AGO1: variants seen among roughly 807,000 people sequenced by gnomAD.
The protein encoded by AGO1 is protein argonaute-1.
In AGO1, 11 loss-of-function variants were observed where a neutral mutation model predicts 109.2. The observed-to-expected ratio is 0.10, with a 90% CI of 0.06 to 0.17. AGO1 has a LOEUF of 0.17. Ranked by LOEUF, AGO1 falls within the 10% of genes least tolerant of loss-of-function variation. The pLI is 1.00. For missense variants in AGO1, 574 were observed against 1,140.3 expected, an observed-to-expected ratio of 0.50 and a Z score of 7.15; for synonymous variants, 422 against 418.6, an observed-to-expected ratio of 1.01 and a Z score of -0.10.
At chr1:35,876,884 C>T (rs1382214499) in intron 1 of AGO1, among the ~76,000 whole-genome samples, 1 of 152,056 alleles carries the variant, frequency 6.6e-6, no homozygotes, top group East Asian at 1.9e-4. Context: ...CTGGGCTGGG[C>T]TTAAGTGATC....
rs1645963237 is a variant in AGO1, at chr1:35,928,046, G to A, written c.*8439G>A. 1 of 152,202 alleles carries A rather than the reference G, an allele frequency of 6.6e-6. No individual in the cohort carries two copies. Among genetic ancestry groups the A allele is most frequent in the South Asian group, 2.1e-4 (1 of 4,834 alleles). The allele number at this position is 152,202 out of a possible 1,614,324, so 9.4% of individuals were successfully genotyped here. A position where few individuals can be genotyped will look rare whatever the true frequency, so the allele number is the denominator to read the frequency against. ...CTTGTCTAACACAAGAAGCCTAGGAGTAGAAAGTCCTAAGCAGAGTAGAAT... is the reference window on the plus strand; with the variant it reads ...CTTGTCTAACACAAGAAGCCTAGGAATAGAAAGTCCTAAGCAGAGTAGAAT... On this transcript the variant is annotated 3_prime_UTR_variant, in exon 19 of 19. Transcript: ENST00000373204.
upstream of AGO1, chr1:35,882,777 G>A: frequency 6.1e-6 from 6 of 983,978 alleles, no homozygotes; most frequent in Non-Finnish European, 7.2e-6. This position sits in a 1 kb window ranked among gnomAD's most constrained non-coding sequence, Gnocchi z 5.1. Context: ...ACTTCGTGGA[G>A]GCAGTCGCTT....
Position 35,922,085 on chromosome 1 carries a change from A to G in AGO1, c.*2478A>G, listed in dbSNP as rs1044534109. On this transcript the variant is annotated 3_prime_UTR_variant, in exon 19 of 19. Transcript: ENST00000373204. ...GTCCAGTCATTCACCAGCATTTGCA[A>G]ATGTCCATAGGGAGCAGGTGGCAGC... 6.6e-6 allele frequency: 1 copy of G among 152,652 alleles called. No individual in the cohort carries two copies. The highest frequency in any genetic ancestry group is 1.5e-5 in the Non-Finnish European group (1 of 68,056). 9.5% of individuals were successfully genotyped at this position (152,652 alleles called of 1,614,324 possible).
chr1:35,894,254 G>A, intron 6 of AGO1, 61 bp from the exon 7 acceptor site: 16 of 1,605,020 alleles, frequency 1.0e-5, no homozygotes, highest in Non-Finnish European at 1.3e-5. Flanking sequence ...TCAGGGGAGA[G>A]ACCAAGCCTG....
intron 8 of AGO1, among the ~76,000 whole-genome samples, chr1:35,898,994 A>G (rs1645369471): frequency 6.6e-6 from 1 of 152,218 alleles, no homozygotes; most frequent in South Asian, 2.1e-4. Context: ...ACCATGACCA[A>G]TCTCCAGAAC....
At position 35,894,416 on chromosome 1, in the gene AGO1, G is replaced by T. The variant is rs751853678; in HGVS notation, c.872+14G>T. The T allele has an allele frequency of 1.2e-5, 20 of 1,613,242 alleles. No homozygotes were observed. The East Asian group carries it at 3.8e-4, about 31-fold the overall frequency. On this transcript the variant is annotated intron_variant, in intron 7 of 18. Transcript: ENST00000373204. ...TAGCCATCAGACGTAAGTTGGCAGG[G>T]GTGCTGAGTCATACTTTGTTGGTGG...
At chr1:35,886,194 A>G (rs886131284) in intron 1 of AGO1, among the ~76,000 whole-genome samples, 7 of 152,090 alleles carry the variant, frequency 4.6e-5, no homozygotes, top group Non-Finnish European at 1.0e-4. Flanking sequence ...CCTAGGCCCA[A>G]GCTTTGTCCT....
chr1:35,872,810 C>T (rs545990832), intron 1 of AGO1, among the ~76,000 whole-genome samples: 32 of 152,156 alleles, frequency 2.1e-4, no homozygotes, highest in Non-Finnish European at 3.4e-4. Flanking sequence ...GGGCCTCAAG[C>T]GATTCTCCCA....
upstream of AGO1, among the ~76,000 whole-genome samples, chr1:35,878,336 C>T (rs373605158): frequency 1.3e-5 from 2 of 152,010 alleles, no homozygotes; most frequent in Admixed American, 6.6e-5. Flanking sequence ...CCTCCCGGCT[C>T]GGCCTCCCAC....
At chr1:35,885,720 T>C (rs1305128390) in intron 1 of AGO1, among the ~76,000 whole-genome samples, 1 of 152,262 alleles carries the variant, frequency 6.6e-6, no homozygotes, top group East Asian at 1.9e-4. Flanking sequence ...TCCAAGCACA[T>C]ACAGTGGACT....
chr1:35,912,104 T>A (rs1388985862), intron 12 of AGO1, among the ~76,000 whole-genome samples: 4 of 152,160 alleles, frequency 2.6e-5, no homozygotes, highest in African/African-American at 7.2e-5. Flanking sequence ...ACGCGTGTAA[T>A]CCCAGCACTT....
At position 35,920,851 on chromosome 1, in the gene AGO1, A is replaced by T. The variant is rs1158708063; in HGVS notation, c.*1244A>T. ...AGGTCTAAAATGAGAAAAAAGAGAG[A>T]AAACAAAATGTTATTTTTATACCAT... On this transcript the variant is annotated 3_prime_UTR_variant, in exon 19 of 19. Transcript: ENST00000373204. The T allele has an allele frequency of 6.5e-6, 1 of 152,672 alleles. No homozygotes were observed. Among genetic ancestry groups the T allele is most frequent in the Admixed American group, 6.5e-5 (1 of 15,288 alleles). 9.5% of individuals were successfully genotyped at this position (152,672 alleles called of 1,614,324 possible).
Position 35,902,248 on chromosome 1 carries a change from G to C in AGO1, c.1308G>C (p.Arg436=). ...CCAATCAGGGTGTCTGGGACATGCGGGGGAAACAGTTCTACAATGGGATTG... is the reference window on the plus strand; with the variant it reads ...CCAATCAGGGTGTCTGGGACATGCGCGGGAAACAGTTCTACAATGGGATTG... The part of the protein sequence containing the change: ...ATPNQGVWDM[R]GKQFYNGIEI... Residue 436 remains arginine, a synonymous_variant, in exon 11 of 19, where the codon CGG becomes CGC. Coordinates refer to ENST00000373204, the MANE Select transcript of AGO1 (RefSeq NM_012199.5). 6.2e-7 allele frequency: 1 copy of C among 1,614,138 alleles called. No individual in the cohort carries two copies. Among genetic ancestry groups the C allele is most frequent in the Non-Finnish European group, 8.5e-7 (1 of 1,180,018 alleles).
chr1:35,901,266 C>T lies in AGO1; in HGVS notation c.1021-208C>T, dbSNP rs370821904. On this transcript the variant is annotated intron_variant, in intron 8 of 18. Coordinates refer to ENST00000373204, the MANE Select transcript of AGO1 (RefSeq NM_012199.5). This position sits in a 1 kb window ranked among gnomAD's most constrained non-coding sequence, Gnocchi z 4.8. ...GATTGCAGGCATGAGCCACCATGCC[C>T]GGCCTGAATCGCCTTTTACAATGCA... Among the ~76,000 whole-genome samples, 91 of 152,226 alleles carry T rather than the reference C, an allele frequency of 6.0e-4. 2 individuals are homozygous for T. The South Asian group carries it at 0.01, about 17-fold the overall frequency.
chr1:35,911,247 G>A lies in AGO1; in HGVS notation c.1583-2595G>A, dbSNP rs538262119. Reference sequence around the variant, plus strand: ...CATATCCTTATCAAACTTGGTATCCGTCTCAAGAAAAAGAAAAATGAAAAA... The same window carrying A: ...CATATCCTTATCAAACTTGGTATCCATCTCAAGAAAAAGAAAAATGAAAAA... On this transcript the variant is annotated intron_variant, in intron 12 of 18. Coordinates refer to ENST00000373204, the MANE Select transcript of AGO1 (RefSeq NM_012199.5). 4.6e-5 allele frequency among the ~76,000 whole-genome samples: 7 copies of A among 152,090 alleles called. No individual in the cohort carries two copies. The South Asian group carries it at 8.3e-4, about 18-fold the overall frequency.
intron 1 of AGO1, among the ~76,000 whole-genome samples, chr1:35,884,691 A>G (rs1345119751): frequency 1.3e-5 from 2 of 152,136 alleles, no homozygotes; most frequent in African/African-American, 4.8e-5. Context: ...CCTAGGTGAT[A>G]GCCTTAACTT....
intron 11 of AGO1, among the ~76,000 whole-genome samples, chr1:35,902,560 G>T (rs1645437112): frequency 6.6e-6 from 1 of 152,128 alleles, no homozygotes; most frequent in Non-Finnish European, 1.5e-5. Flanking sequence ...TGATTTTAGG[G>T]CATGAATCTC....
In AGO1 at chr1:35,894,100, TC is replaced by T; in HGVS notation, c.714del (p.Arg239GlyfsTer3). On this transcript the variant is annotated frameshift_variant, in exon 6 of 19. Coordinates refer to ENST00000373204, the MANE Select transcript of AGO1 (RefSeq NM_012199.5). LOFTEE classifies it high-confidence loss of function. ...GAGTTCATGTGTGAGGTGCTGGACA[TC>T]AGGAACATAGATGAGCAGCCCAAGC... ...VIEFMCEVLD[I>X]RNIDEQPKPL... 6.3e-7 allele frequency: 1 copy of T among 1,589,698 alleles called. No individual in the cohort carries two copies. Among genetic ancestry groups the T allele is most frequent in the Admixed American group, 1.8e-5 (1 of 55,932 alleles).
chr1:35,919,917 C>T lies in AGO1; in HGVS notation c.*310C>T, dbSNP rs938140807. The T allele has an allele frequency of 6.4e-6, 2 of 314,762 alleles. No individual in the cohort carries two copies. The highest frequency in any genetic ancestry group is 4.2e-5 in the African/African-American group (2 of 47,470). The allele number at this position is 314,762 out of a possible 1,614,324, so 19.5% of individuals were successfully genotyped here. A position where few individuals can be genotyped will look rare whatever the true frequency, so the allele number is the denominator to read the frequency against. On this transcript the variant is annotated 3_prime_UTR_variant, in exon 19 of 19. Coordinates refer to ENST00000373204, the MANE Select transcript of AGO1 (RefSeq NM_012199.5). This position sits in a 1 kb window ranked among gnomAD's most constrained non-coding sequence, Gnocchi z 6.6. ...CCATACACACAGGTGTCTCATGTGA[C>T]TCACAGTGCTAAAGACTCATGCTTG... is the stretch of plus-strand genomic sequence containing the variant.
Sources: allele counts gnomAD v4.1 joint callset (sites outside exome capture counted in the v4.1 genomes callset), GRCh38; gene constraint gnomAD v4.1.1; non-coding constraint Gnocchi (gnomAD v3.1); transcripts MANE v1.5; gene names NCBI Gene and HGNC (gene_info 2026-07-23, HGNC 2026-07-21).